GLIS3: variants seen among roughly 807,000 people sequenced by gnomAD.
The protein encoded by GLIS3 is zinc finger protein GLIS3.
In GLIS3, 53 loss-of-function variants were observed where a neutral mutation model predicts 78.6. That is an observed-to-expected ratio of 0.67 (90% CI 0.54 to 0.85). The LOEUF (loss-of-function observed/expected upper bound fraction) is 0.85. GLIS3 is among the 40% of genes least tolerant of loss of function. The probability of loss-of-function intolerance (pLI) is 0.00; values close to 1 mark genes in which losing one functional copy is unlikely to be tolerated. For synonymous variants in GLIS3, 684 were observed against 509.9 expected, an observed-to-expected ratio of 1.34 and a Z score of -4.60; for missense variants, 1,703 against 1,231.1, an observed-to-expected ratio of 1.38 and a Z score of -5.74.
intron 2 of GLIS3, among the ~76,000 whole-genome samples, chr9:4,333,753 C>T (rs2130570900): frequency 6.8e-6 from 1 of 147,040 alleles, no homozygotes; most frequent in South Asian, 2.2e-4. Context: ...CCACCCCCCG[C>T]AACTTCATCT....
chr9:3,892,465 G>A (rs947680921), intron 7 of GLIS3, among the ~76,000 whole-genome samples: 3 of 152,152 alleles, frequency 2.0e-5, no homozygotes, highest in Non-Finnish European at 4.4e-5. Flanking sequence ...TGATAGCTGC[G>A]TGGAATGAAT....
At chr9:3,899,094 A>G in intron 6 of GLIS3, 2 of 531,490 alleles carry the variant, frequency 3.8e-6, no homozygotes, top group Non-Finnish European at 6.8e-6. Context: ...ACTTCTGGCA[A>G]CTCAACTTCC....
chr9:4,225,436 ATT>A (rs1821688382), intron 2 of GLIS3, among the ~76,000 whole-genome samples: 1 of 152,176 alleles, frequency 6.6e-6, no homozygotes, highest in African/African-American at 2.4e-5. Context: ...TGAGTAATTT[ATT>A]TCCTCCATTG....
chr9:4,133,065 T>G (rs1833093381), intron 2 of GLIS3, among the ~76,000 whole-genome samples: 1 of 152,226 alleles, frequency 6.6e-6, no homozygotes. Flanking sequence ...TTTTTAAAGC[T>G]ACAGAAATGT....
At chr9:4,316,649 A>T (rs910018203) in intron 2 of GLIS3, among the ~76,000 whole-genome samples, 2 of 152,184 alleles carry the variant, frequency 1.3e-5, no homozygotes, top group East Asian at 3.8e-4. Flanking sequence ...GAGTAAGCGT[A>T]GGCATGTGTG....
intron 4 of GLIS3, among the ~76,000 whole-genome samples, chr9:4,066,925 C>A (rs1827149257): frequency 1.3e-5 from 2 of 152,206 alleles, no homozygotes; most frequent in Non-Finnish European, 2.9e-5. Context: ...TCACTGACAC[C>A]CAGGCAGGGA....
chr9:4,198,066 C>T (rs1819031216), intron 2 of GLIS3, among the ~76,000 whole-genome samples: 2 of 152,142 alleles, frequency 1.3e-5, no homozygotes, highest in Admixed American at 1.3e-4. Flanking sequence ...TGAGAAGGAA[C>T]CAGTGCAGGA....
At chr9:3,983,837 CA>C (rs1463888388) in intron 4 of GLIS3, among the ~76,000 whole-genome samples, 1 of 152,032 alleles carries the variant, frequency 6.6e-6, no homozygotes, top group Non-Finnish European at 1.5e-5. Context: ...AAGCAGAGCA[CA>C]AAAGTTTGGA....
intron 4 of GLIS3, among the ~76,000 whole-genome samples, chr9:3,960,020 T>C (rs990770430): frequency 2.0e-5 from 3 of 152,088 alleles, no homozygotes; most frequent in Non-Finnish European, 4.4e-5. Flanking sequence ...GGCATGGTGG[T>C]GTGCACCTGT....
the GLIS3 span, among the ~76,000 whole-genome samples, chr9:4,361,235 G>A: frequency 6.6e-6 from 1 of 152,190 alleles, no homozygotes; most frequent in Admixed American, 6.5e-5. Context: ...TTAATGTAAT[G>A]ACTGGTGGAT....
chr9:4,401,148 T>A, the GLIS3 span, among the ~76,000 whole-genome samples: 2 of 152,180 alleles, frequency 1.3e-5, no homozygotes, highest in Non-Finnish European at 2.9e-5. Flanking sequence ...TTGGACAGCA[T>A]TTCTATATCT....
intron 4 of GLIS3, among the ~76,000 whole-genome samples, chr9:3,986,873 A>G (rs1328200012): frequency 6.6e-6 from 1 of 152,272 alleles, no homozygotes; most frequent in Non-Finnish European, 1.5e-5. Context: ...TTGGAATGCA[A>G]CCCAGAGTTT....
At chr9:4,380,223 T>C in the GLIS3 span, among the ~76,000 whole-genome samples, 1 of 152,266 alleles carries the variant, frequency 6.6e-6, no homozygotes, top group African/African-American at 2.4e-5. Context: ...ATTTGCCTTC[T>C]TGCCTGCTAA....
the GLIS3 span, among the ~76,000 whole-genome samples, chr9:4,458,305 C>T: frequency 6.6e-6 from 1 of 152,170 alleles, no homozygotes; most frequent in African/African-American, 2.4e-5. Context: ...ACTGGGGACA[C>T]AGTAGTGACA....
At chr9:4,422,576 T>C in the GLIS3 span, among the ~76,000 whole-genome samples, 3 of 152,206 alleles carry the variant, frequency 2.0e-5, no homozygotes, top group Non-Finnish European at 4.4e-5. Flanking sequence ...ATCAGTTACA[T>C]ATCTCTCCTG....
At chr9:4,186,881 G>T (rs1019886406) in intron 2 of GLIS3, among the ~76,000 whole-genome samples, 2 of 152,112 alleles carry the variant, frequency 1.3e-5, no homozygotes, top group Admixed American at 1.3e-4. Context: ...GTTCATTGTA[G>T]ATTCTGGATA....
chr9:4,206,861 A>G (rs530493473), intron 2 of GLIS3, among the ~76,000 whole-genome samples: 3 of 152,350 alleles, frequency 2.0e-5, no homozygotes, highest in African/African-American at 7.2e-5. Context: ...AGTTTTCACA[A>G]TTCAGTGTAG....
chr9:4,253,845 C>T (rs1453124922), intron 2 of GLIS3, among the ~76,000 whole-genome samples: 3 of 152,240 alleles, frequency 2.0e-5, no homozygotes, highest in Non-Finnish European at 4.4e-5. Flanking sequence ...TCATGGCTTC[C>T]CCTGGCTAGG....
chr9:4,135,931 T>G (rs758739411), intron 2 of GLIS3, among the ~76,000 whole-genome samples: 2 of 152,204 alleles, frequency 1.3e-5, no homozygotes, highest in Non-Finnish European at 2.9e-5. Context: ...ATTCATAATA[T>G]TTCACTGCTG....
Sources: gnomAD v4.1 joint callset for allele counts (sites outside exome capture counted in the v4.1 genomes callset) on GRCh38, gnomAD v4.1.1 for gene constraint, MANE v1.5 for transcripts, NCBI Gene and HGNC (gene_info 2026-07-23, HGNC 2026-07-21) for gene names.